GGA3: variants seen among roughly 807,000 people sequenced by gnomAD.
GGA3 encodes golgi associated, gamma adaptin ear containing, ARF binding protein 3.
In GGA3, 57 loss-of-function variants were observed where a neutral mutation model predicts 77.5. That is an observed-to-expected ratio of 0.74 (90% CI 0.59 to 0.92). The LOEUF is 0.92. Among genes scored for constraint, GGA3 ranks in the 40% least tolerant of loss-of-function variants. The pLI, the probability that GGA3 is intolerant of heterozygous loss-of-function variation, is 0.00. For synonymous variants in GGA3, 416 were observed against 383.7 expected, an observed-to-expected ratio of 1.08 and a Z score of -0.98; for missense variants, 970 against 914.9, an observed-to-expected ratio of 1.06 and a Z score of -0.78.
chr17:75,243,640 C>T, intron 4 of GGA3, 70 bp from the exon 5 acceptor site: 1 of 1,506,262 alleles, frequency 6.6e-7, no homozygotes, highest in Non-Finnish European at 9.1e-7. Flanking sequence ...AGGCTCCCTC[C>T]ACAGCAATGG....
intron 1 of GGA3, among the ~76,000 whole-genome samples, chr17:75,247,891 A>G (rs908076207): frequency 2.6e-5 from 4 of 152,172 alleles, no homozygotes; most frequent in African/African-American, 9.7e-5. Context: ...CTGTGATTAC[A>G]CTGAAGAGCC....
At chr17:75,239,169 G>A (rs1477675772) in intron 14 of GGA3, 86 bp from the exon 15 acceptor site, 34 of 1,293,820 alleles carry the variant, frequency 2.6e-5, no homozygotes, top group Non-Finnish European at 3.3e-5. Flanking sequence ...GGGCTACTCC[G>A]TGGTCATGAT....
intron 7 of GGA3, 130 bp downstream of exon 7, chr17:75,242,701 C>A: frequency 1.1e-6 from 1 of 922,050 alleles, no homozygotes; most frequent in Admixed American, 1.9e-5. Flanking sequence ...CCACTCTCAG[C>A]CACCGGGGCA....
In GGA3 at chr17:75,237,981, C is replaced by T. The variant is rs558874819; in HGVS notation, c.*298G>A. 331 of 1,189,986 alleles carry T rather than the reference C, an allele frequency of 2.8e-4. No homozygotes were observed. The highest frequency in any genetic ancestry group is 1.0e-3 in the Middle Eastern group (3 of 2,960). 73.7% of individuals were successfully genotyped at this position (1,189,986 alleles called of 1,614,324 possible). A position where few individuals can be genotyped will look rare whatever the true frequency, so the allele number is the denominator to read the frequency against. ...GCCAGTAGAAGGAAGCAAACACCTA[C>T]GCCAAGCCTGGGGGTCCATGTTCCC... On this transcript the variant is annotated 3_prime_UTR_variant, in exon 17 of 17. Coordinates refer to ENST00000537686, the MANE Select transcript of GGA3 (RefSeq NM_138619.4).
intron 7 of GGA3, among the ~76,000 whole-genome samples, 160 bp from the exon 8 acceptor site, chr17:75,242,633 C>T (rs2076601012): frequency 6.6e-6 from 1 of 152,196 alleles, no homozygotes; most frequent in Non-Finnish European, 1.5e-5. Flanking sequence ...TTTCACAACA[C>T]TGCTCCCAAC....
In GGA3 at chr17:75,239,031, G is replaced by T. The variant is rs755946896; in HGVS notation, c.1833C>A (p.Phe611Leu). Residue 611 changes from phenylalanine to leucine, a missense_variant, in exon 15 of 17, where the codon TTC (phenylalanine) becomes TTA (leucine). Transcript: ENST00000537686. Reference sequence around the variant, plus strand: ...CTGGGGGACACTCCTTGGCAAAGTGGAAGAGGATGCGGAAGCCGTTTTTAT... The same window carrying T: ...CTGGGGGACACTCCTTGGCAAAGTGTAAGAGGATGCGGAAGCCGTTTTTAT... ...AYDKNGFRIL[F>L]HFAKECPPGR... 3 of 1,614,048 alleles carry T rather than the reference G, an allele frequency of 1.9e-6. No homozygotes were observed. In the East Asian group the frequency reaches 6.7e-5, roughly 36 times the overall value.
At chr17:75,241,182 G>A (rs2076542794) in intron 10 of GGA3, 125 bp from the exon 11 acceptor site, 1 of 1,157,958 alleles carries the variant, frequency 8.6e-7, no homozygotes, top group Non-Finnish European at 1.3e-6. Flanking sequence ...CGGCATCTCT[G>A]CCAGGGGATG....
In GGA3 at chr17:75,246,580, G is replaced by A; in HGVS notation, c.130C>T (p.Gln44Ter). The change falls in exon 3 of 17, where the codon CAG becomes TAG. Residue 44 changes from glutamine to a stop codon, truncating the protein, a stop_gained. Coordinates refer to ENST00000537686, the MANE Select transcript of GGA3 (RefSeq NM_138619.4). LOFTEE classifies it high-confidence loss of function. ...DQINKELEGPQIAVRLLAHKI... is the reference protein window; with the variant it reads ...DQINKELEGP ...TGGGCCAGCAGTCGGACGGCGATCT[G>A]TGGCCTGGGGGACAAGCAGAACACA... 1 of 1,613,658 alleles carries A rather than the reference G, an allele frequency of 6.2e-7. No individual in the cohort carries two copies. Among genetic ancestry groups the A allele is most frequent in the Non-Finnish European group, 8.5e-7 (1 of 1,179,556 alleles).
In GGA3 at chr17:75,241,412, G is replaced by A. The variant is rs2076551498; in HGVS notation, c.934C>T (p.Pro312Ser). Residue 312 changes from proline to serine, a missense_variant, in exon 10 of 17, where the codon CCT becomes TCT. By Grantham distance (74) the Pro-to-Ser change is moderately conservative. Coordinates refer to ENST00000537686, the MANE Select transcript of GGA3 (RefSeq NM_138619.4). ...CAGAGCATCTCACCTTCCGAGTCAG[G>A]CAGGGTTAAGGTAGCCACCTCGCCA... ...INGEVATLTL[P>S]DSEGNSQCSN... The A allele has an allele frequency of 6.2e-7, 1 of 1,605,588 alleles. No homozygotes were observed.
intron 1 of GGA3, among the ~76,000 whole-genome samples, chr17:75,248,030 C>T (rs148395670): frequency 8.1e-4 from 123 of 152,260 alleles, no homozygotes; most frequent in African/African-American, 2.7e-3. Flanking sequence ...AGGCTGAAGA[C>T]GCACACCCCT....
intron 8 of GGA3, chr17:75,242,033 T>C: frequency 1.8e-6 from 1 of 544,380 alleles, no homozygotes; most frequent in Non-Finnish European, 3.3e-6. Flanking sequence ...CCTCTCTGTC[T>C]TGATGTCCCC....
chr17:75,259,797 TTA>T (rs200228384), intron 1 of GGA3, among the ~76,000 whole-genome samples: 2,988 of 152,230 alleles, frequency 0.02, 99 homozygotes, highest in African/African-American at 0.068. Context: ...ACTGTGAAGC[TTA>T]TGTCTCTACA....
chr17:75,261,640 T>G (rs2077389022), upstream of GGA3: 3 of 1,477,752 alleles, frequency 2.0e-6, no homozygotes, highest in South Asian at 4.0e-5. Flanking sequence ...CTGCACGAGC[T>G]GAGACGGGGC....
intron 13 of GGA3, 90 bp downstream of exon 13, chr17:75,239,699 C>T (rs1489612309): frequency 6.6e-7 from 1 of 1,516,850 alleles, no homozygotes; most frequent in Non-Finnish European, 9.1e-7. Context: ...GATGGGACTA[C>T]AAGGCACCCC....
rs563589062 is a variant in GGA3, at chr17:75,254,404, G to A, written c.40+7144C>T. On this transcript the variant is annotated intron_variant, in intron 1 of 16. Coordinates refer to ENST00000537686, the MANE Select transcript of GGA3 (RefSeq NM_138619.4). ...CTTAAAAAGGTGGCTGGAGCTAAAG[G>A]CATAGTCAAGGTTAATGCTCCTTTT... 5.1e-4 allele frequency among the ~76,000 whole-genome samples: 77 copies of A among 152,194 alleles called. No individual in the cohort carries two copies. In the South Asian group the frequency reaches 0.016, roughly 32 times the overall value.
chr17:75,254,539 C>G (rs1175274612), intron 1 of GGA3, among the ~76,000 whole-genome samples: 2 of 152,262 alleles, frequency 1.3e-5, no homozygotes, highest in East Asian at 3.9e-4. Flanking sequence ...AGCCCTAGAC[C>G]CTAAGAGGTC....
At chr17:75,258,029 TC>T (rs2077216461) in intron 1 of GGA3, among the ~76,000 whole-genome samples, 1 of 152,164 alleles carries the variant, frequency 6.6e-6, no homozygotes, top group Admixed American at 6.5e-5. Context: ...TACTTTGTAA[TC>T]TCCCCCACCC....
chr17:75,250,449 A>G (rs2076921894), intron 1 of GGA3, among the ~76,000 whole-genome samples: 1 of 152,220 alleles, frequency 6.6e-6, no homozygotes, highest in Non-Finnish European at 1.5e-5. Flanking sequence ...GCACGGCTCA[A>G]ACATTCCAGA....
intron 7 of GGA3, 76 bp downstream of exon 7, chr17:75,242,755 G>A (rs534037980): frequency 2.3e-4 from 285 of 1,260,468 alleles, no homozygotes; most frequent in South Asian, 6.9e-4. Flanking sequence ...ACAGGCCCGT[G>A]TCCGGGGCAA....
Sources: allele counts gnomAD v4.1 joint callset (sites outside exome capture counted in the v4.1 genomes callset), GRCh38; gene constraint gnomAD v4.1.1; transcripts MANE v1.5; gene names NCBI Gene and HGNC (gene_info 2026-07-23, HGNC 2026-07-21).